Variants in TBC1D14 observed in about 807,000 individuals in gnomAD.
The protein encoded by TBC1D14 is TBC1 domain family, member 14.
A neutral mutation model predicts 79.0 loss-of-function variants in TBC1D14; 26 were observed. That is an observed-to-expected ratio of 0.33 (90% CI 0.24 to 0.46). The LOEUF (loss-of-function observed/expected upper bound fraction) is 0.46. Among genes scored for constraint, TBC1D14 ranks in the 20% least tolerant of loss-of-function variants. TBC1D14 has a pLI of 1.00. For synonymous variants in TBC1D14, 394 were observed against 349.9 expected, an observed-to-expected ratio of 1.13 and a Z score of -1.40; for missense variants, 769 against 887.6, an observed-to-expected ratio of 0.87 and a Z score of 1.70.
chr4:6,969,763 T>C (rs935500006), intron 3 of TBC1D14, among the ~76,000 whole-genome samples: 2 of 152,128 alleles, frequency 1.3e-5, no homozygotes, highest in African/African-American at 4.8e-5. Flanking sequence ...AGAGGATTTT[T>C]TTTTTTCTGT....
chr4:6,982,408 T>C (rs978790980), intron 3 of TBC1D14, among the ~76,000 whole-genome samples: 1 of 152,184 alleles, frequency 6.6e-6, no homozygotes, highest in East Asian at 1.9e-4. Flanking sequence ...GTTGTAGTGA[T>C]GGAGAACAGA....
chr4:6,923,449 T>G lies in TBC1D14; in HGVS notation c.60T>G (p.Asp20Glu), dbSNP rs368992523. 13 of 1,614,076 alleles carry G rather than the reference T, an allele frequency of 8.1e-6. No homozygotes were observed. Among genetic ancestry groups the G allele is most frequent in the Non-Finnish European group, 1.1e-5 (13 of 1,180,052 alleles). ...TNGVAFMGIL[D>E]GRPGNPLQNL... ...GCGTAGCCTTCATGGGTATTCTGGA[T>G]GGTCGACCAGGAAACCCCCTTCAGA... Residue 20 changes from aspartate (D) to glutamate (E), a missense_variant, in exon 2 of 14, where the codon GAT becomes GAG. Physicochemically the swap from Asp to Glu is conservative, Grantham distance 45. Coordinates refer to ENST00000409757, the MANE Select transcript of TBC1D14 (RefSeq NM_020773.3).
At chr4:7,012,661 C>T (rs1720893014) in intron 11 of TBC1D14, among the ~76,000 whole-genome samples, 2 of 152,148 alleles carry the variant, frequency 1.3e-5, no homozygotes, top group Admixed American at 6.5e-5. Flanking sequence ...TAAGATAAAA[C>T]GTAAACTATA....
intron 2 of TBC1D14, among the ~76,000 whole-genome samples, chr4:6,930,913 G>A (rs1325421417): frequency 1.3e-5 from 2 of 151,948 alleles, no homozygotes; most frequent in South Asian, 4.2e-4. Context: ...TTTTTAAAAT[G>A]TTTTTGAGAT....
intron 3 of TBC1D14, among the ~76,000 whole-genome samples, chr4:6,970,506 G>A (rs1278167752): frequency 6.6e-6 from 1 of 152,278 alleles, no homozygotes; most frequent in Non-Finnish European, 1.5e-5. Flanking sequence ...TGGAACAACG[G>A]AACACAGTGC....
intron 12 of TBC1D14, among the ~76,000 whole-genome samples, chr4:7,019,030 T>C (rs1721554978): frequency 6.6e-6 from 1 of 152,134 alleles, no homozygotes; most frequent in Non-Finnish European, 1.5e-5. Context: ...TTTTTTGTTG[T>C]TGTTGTTGTT....
intron 3 of TBC1D14, among the ~76,000 whole-genome samples, chr4:6,991,208 G>A (rs150953948): frequency 0.012 from 1,836 of 152,364 alleles, 17 homozygotes; most frequent in Middle Eastern, 0.037. Flanking sequence ...CTGCGTCTCT[G>A]CTGATCTGTG....
At chr4:6,981,770 A>G (rs1459931220) in intron 3 of TBC1D14, among the ~76,000 whole-genome samples, 1 of 152,210 alleles carries the variant, frequency 6.6e-6, no homozygotes, top group African/African-American at 2.4e-5. Flanking sequence ...AAAGAAAACC[A>G]CACGATCCTA....
chr4:6,919,333 A>T (rs565084318), intron 1 of TBC1D14, among the ~76,000 whole-genome samples: 28 of 151,902 alleles, frequency 1.8e-4, no homozygotes, highest in African/African-American at 6.8e-4. Context: ...TTTAGTAGAG[A>T]TGGGGTTTCA....
intron 3 of TBC1D14, among the ~76,000 whole-genome samples, chr4:6,977,272 C>T (rs1250010075): frequency 2.0e-5 from 3 of 148,578 alleles, no homozygotes; most frequent in Non-Finnish European, 3.0e-5. Flanking sequence ...AGGTGCGCGC[C>T]GCCACGCCTG....
rs539165393 is a variant in TBC1D14, at chr4:6,937,170, A to G, written c.722+13059A>G. 9.0e-4 allele frequency among the ~76,000 whole-genome samples: 137 copies of G among 152,032 alleles called. 1 individual carries two copies. Among genetic ancestry groups the G allele is most frequent in the African/African-American group, 3.2e-3 (131 of 41,476 alleles). The stretch of plus-strand genomic sequence containing the variant: ...GACCTCAGGTGATCTGCCCGCCACA[A>G]CCTCCCAAAGTGTTGGGATTACAGG... On this transcript the variant is annotated intron_variant, in intron 2 of 13. Coordinates refer to ENST00000409757, the MANE Select transcript of TBC1D14 (RefSeq NM_020773.3).
intron 2 of TBC1D14, among the ~76,000 whole-genome samples, chr4:6,951,222 A>G (rs557324867): frequency 3.9e-5 from 6 of 152,180 alleles, no homozygotes; most frequent in South Asian, 2.1e-4. Context: ...AACCCAAGAG[A>G]TGGAGGTTGC....
intron 2 of TBC1D14, among the ~76,000 whole-genome samples, chr4:6,934,277 C>T (rs1712083852): frequency 6.6e-6 from 1 of 151,764 alleles, no homozygotes; most frequent in Non-Finnish European, 1.5e-5. Context: ...AGCGAGAAGG[C>T]AGGGCTGGTG....
At position 6,923,683 on chromosome 4, in the gene TBC1D14, G is replaced by A; in HGVS notation, c.294G>A (p.Glu98=). 2 of 1,613,780 alleles carry A rather than the reference G, an allele frequency of 1.2e-6. No individual in the cohort carries two copies. ...AGTCCGACTCCGACCTCATCCCCGA[G>A]CGGGCCTTCCAGAGCGCCTGCGCGC... The part of the protein sequence containing the change: ...RKQSDSDLIP[E]RAFQSACALP... The change falls in exon 2 of 14, where the codon GAG becomes GAA. Residue 98 remains glutamate, a synonymous_variant. Coordinates refer to ENST00000409757, the MANE Select transcript of TBC1D14 (RefSeq NM_020773.3).
chr4:6,992,305 C>A (rs755281874), intron 3 of TBC1D14, among the ~76,000 whole-genome samples: 1 of 147,760 alleles, frequency 6.8e-6, no homozygotes, highest in Non-Finnish European at 1.5e-5. Flanking sequence ...GGGCTTTCCC[C>A]TCTAAAACTG....
At chr4:7,018,267 G>T (rs1308054261) in intron 12 of TBC1D14, among the ~76,000 whole-genome samples, 1 of 152,242 alleles carries the variant, frequency 6.6e-6, no homozygotes, top group Non-Finnish European at 1.5e-5. Context: ...AACTGCCTGA[G>T]CAAGAGAGCC....
At chr4:6,991,879 C>T (rs980026856) in intron 3 of TBC1D14, among the ~76,000 whole-genome samples, 3 of 152,198 alleles carry the variant, frequency 2.0e-5, no homozygotes, top group Admixed American at 2.0e-4. Flanking sequence ...CTGACTGAAG[C>T]GATCTGATGT....
chr4:6,929,911 G>A (rs1000292544), intron 2 of TBC1D14, among the ~76,000 whole-genome samples: 1 of 152,196 alleles, frequency 6.6e-6, no homozygotes, highest in Non-Finnish European at 1.5e-5. Flanking sequence ...ACTCAGAAAG[G>A]CTAACTGCAC....
At chr4:7,030,166 A>C (rs923913244) in intron 13 of TBC1D14, among the ~76,000 whole-genome samples, 161 bp from the exon 14 acceptor site, 1 of 152,160 alleles carries the variant, frequency 6.6e-6, no homozygotes, top group African/African-American at 2.4e-5. Context: ...TGTTGGAAAG[A>C]CCACGAAGGA....
Sources: gnomAD v4.1 joint callset for allele counts (sites outside exome capture counted in the v4.1 genomes callset) on GRCh38, gnomAD v4.1.1 for gene constraint, MANE v1.5 for transcripts, NCBI Gene and HGNC (gene_info 2026-07-23, HGNC 2026-07-21) for gene names.